ARB2A: variants seen among roughly 807,000 people sequenced by gnomAD.
The protein encoded by ARB2A is cotranscriptional regulator ARB2A.
At chr5:93,991,043 G>A in the ARB2A span, among the ~76,000 whole-genome samples, 1 of 152,096 alleles carries the variant, frequency 6.6e-6, no homozygotes, top group African/African-American at 2.4e-5. Flanking sequence ...GTCTTTGGCT[G>A]AATACTAAGT....
chr5:94,075,263 T>G, the ARB2A span, among the ~76,000 whole-genome samples: 4 of 152,026 alleles, frequency 2.6e-5, no homozygotes, highest in Non-Finnish European at 5.9e-5. Context: ...TCTACAAATT[T>G]CCTATAGTGT....
the ARB2A span, among the ~76,000 whole-genome samples, chr5:94,047,590 G>A: frequency 1.6e-4 from 24 of 152,230 alleles, no homozygotes; most frequent in Admixed American, 3.3e-4. Context: ...ATAGGAGGCA[G>A]TAATGTAGAT....
At chr5:93,803,820 T>C in the ARB2A span, among the ~76,000 whole-genome samples, 1 of 151,936 alleles carries the variant, frequency 6.6e-6, no homozygotes, top group African/African-American at 2.4e-5. Flanking sequence ...TGAATAAACG[T>C]CCCTGGTCAG....
At chr5:93,806,901 C>T in the ARB2A span, among the ~76,000 whole-genome samples, 1 of 151,870 alleles carries the variant, frequency 6.6e-6, no homozygotes, top group Admixed American at 6.6e-5. Flanking sequence ...ACAAAAATGT[C>T]CTGATTTGTA....
chr5:94,070,415 G>A, the ARB2A span, among the ~76,000 whole-genome samples: 2 of 151,960 alleles, frequency 1.3e-5, no homozygotes, highest in Non-Finnish European at 2.9e-5. Context: ...AAGTTCTAAT[G>A]TTCAATAGCA....
the ARB2A span, among the ~76,000 whole-genome samples, chr5:93,783,374 T>C: frequency 1.3e-5 from 2 of 152,192 alleles, no homozygotes; most frequent in East Asian, 3.8e-4. Context: ...CTTTTTCTAA[T>C]GCAGAAAAAC....
chr5:93,630,951 G>C, the ARB2A span, among the ~76,000 whole-genome samples: 3 of 152,048 alleles, frequency 2.0e-5, no homozygotes, highest in Admixed American at 2.0e-4. Flanking sequence ...GGAGTGCAAT[G>C]GTGTGATCTT....
chr5:93,842,525 T>C, the ARB2A span, among the ~76,000 whole-genome samples: 1 of 152,064 alleles, frequency 6.6e-6, no homozygotes, highest in African/African-American at 2.4e-5. Flanking sequence ...TTTTTTAATA[T>C]AGACATAAAT....
At chr5:93,822,656 ATT>A in the ARB2A span, among the ~76,000 whole-genome samples, 1 of 151,994 alleles carries the variant, frequency 6.6e-6, no homozygotes, top group Non-Finnish European at 1.5e-5. Context: ...ATAGCTATAT[ATT>A]TATATCTGTA....
chr5:93,760,996 T>C, the ARB2A span, among the ~76,000 whole-genome samples: 1 of 152,120 alleles, frequency 6.6e-6, no homozygotes, highest in Non-Finnish European at 1.5e-5. Context: ...CTTCACAATC[T>C]ATACATCTGA....
At chr5:93,720,827 G>A in the ARB2A span, among the ~76,000 whole-genome samples, 2 of 152,148 alleles carry the variant, frequency 1.3e-5, no homozygotes, top group Middle Eastern at 3.4e-3. Context: ...CTGTGTTTTG[G>A]TTTTCCTACT....
chr5:94,100,122 C>T, the ARB2A span, among the ~76,000 whole-genome samples: 1 of 152,158 alleles, frequency 6.6e-6, no homozygotes, highest in Non-Finnish European at 1.5e-5. Flanking sequence ...ACAAAAATCA[C>T]TAGCATTCCT....
chr5:93,755,894 G>A, the ARB2A span, among the ~76,000 whole-genome samples: 1 of 152,196 alleles, frequency 6.6e-6, no homozygotes, highest in Non-Finnish European at 1.5e-5. Context: ...AGAACTCGGG[G>A]GAGGGTGCAA....
At chr5:93,833,147 G>A in the ARB2A span, among the ~76,000 whole-genome samples, 3 of 151,940 alleles carry the variant, frequency 2.0e-5, no homozygotes, top group South Asian at 2.1e-4. Flanking sequence ...ATGTCAAGTC[G>A]CTTTTCCTTC....
At chr5:93,978,726 T>C in the ARB2A span, among the ~76,000 whole-genome samples, 1 of 152,046 alleles carries the variant, frequency 6.6e-6, no homozygotes. Context: ...CTCAGCATCA[T>C]GCAATATACC....
the ARB2A span, among the ~76,000 whole-genome samples, chr5:94,094,616 A>C: frequency 6.6e-6 from 1 of 152,330 alleles, no homozygotes; most frequent in East Asian, 1.9e-4. Flanking sequence ...GCATTACTTC[A>C]ACAATGTGGT....
chr5:93,873,311 GAA>G, the ARB2A span, among the ~76,000 whole-genome samples: 3 of 18,056 alleles, frequency 1.7e-4, no homozygotes, highest in Admixed American at 8.2e-4. Context: ...AGGGGGGGGG[GAA>G]AGAAAGGAAA....
chr5:93,824,697 T>A, the ARB2A span, among the ~76,000 whole-genome samples: 1 of 152,126 alleles, frequency 6.6e-6, no homozygotes, highest in African/African-American at 2.4e-5. Flanking sequence ...AGGAGCCAAA[T>A]CAGGACTGCA....
the ARB2A span, among the ~76,000 whole-genome samples, chr5:93,633,981 T>C: frequency 6.6e-6 from 1 of 152,220 alleles, no homozygotes; most frequent in African/African-American, 2.4e-5. Flanking sequence ...CAGGCTGGTC[T>C]TGAACTCCTG....
Sources: allele counts gnomAD v4.1 joint callset (sites outside exome capture counted in the v4.1 genomes callset), GRCh38; gene constraint gnomAD v4.1.1; transcripts MANE v1.5; gene names NCBI Gene and HGNC (gene_info 2026-07-23, HGNC 2026-07-21).